The following KCNJ16 variants were observed in gnomAD, a reference collection of about 807,000 sequenced individuals.
The protein encoded by KCNJ16 is inward rectifier potassium channel 16.
A neutral mutation model predicts 18.5 loss-of-function variants in KCNJ16; 15 were observed. The observed-to-expected ratio is 0.81, with a 90% confidence interval of 0.54 to 1.25. KCNJ16 has a LOEUF of 1.25. KCNJ16 is among the 50% of genes most tolerant of loss of function. The pLI, the probability that KCNJ16 is intolerant of heterozygous loss-of-function variation, is 0.00. For synonymous variants in KCNJ16, 174 were observed against 186.5 expected (o/e 0.93, Z 0.55); for missense variants, 523 against 525.7 (o/e 0.99, Z 0.05).
intron 2 of KCNJ16, among the ~76,000 whole-genome samples, chr17:70,106,136 T>C (rs1010784438): frequency 1.3e-5 from 2 of 152,242 alleles, no homozygotes; most frequent in Non-Finnish European, 2.9e-5. Context: ...AAGAAGTCAA[T>C]GCAAGGAGTA....
chr17:70,122,694 C>A (rs538565736), intron 2 of KCNJ16, among the ~76,000 whole-genome samples: 2 of 152,236 alleles, frequency 1.3e-5, no homozygotes, highest in East Asian at 3.9e-4. Flanking sequence ...TCAGAGACTG[C>A]CTCGTAGGGA....
intron 2 of KCNJ16, among the ~76,000 whole-genome samples, chr17:70,114,792 ACT>A (rs1213243241): frequency 6.6e-6 from 1 of 151,950 alleles, no homozygotes; most frequent in East Asian, 1.9e-4. Flanking sequence ...ATGCCAGTTA[ACT>A]CTCTCCCCAT....
Position 70,134,238 on chromosome 17 carries a change from G to A in KCNJ16, c.*894G>A, listed in dbSNP as rs2074157676. The A allele has an allele frequency of 6.1e-6, 1 of 163,458 alleles. No individual in the cohort carries two copies. Among genetic ancestry groups the A allele is most frequent in the African/African-American group, 2.5e-5 (1 of 40,428 alleles). 10.1% of individuals were successfully genotyped at this position (163,458 alleles called of 1,614,324 possible). A position where few individuals can be genotyped will look rare whatever the true frequency, so the allele number is the denominator to read the frequency against. On this transcript the variant is annotated 3_prime_UTR_variant, in exon 4 of 4. Transcript: ENST00000392671. ...ATTCTCAGACCCTTGGAGAGAAACC[G>A]TTGCTAGCTTGCTGGTCCCGAAAGA...
rs369929412 is a variant in KCNJ16, at chr17:70,132,851, A to G, written c.764A>G (p.His255Arg). ...CTGGTCACCCCGGTAACTATTGTCCATGAAATTGACCATGAGAGCCCTCTG... is the reference window on the plus strand; with the variant it reads ...CTGGTCACCCCGGTAACTATTGTCCGTGAAATTGACCATGAGAGCCCTCTG... ...IILVTPVTIV[H>R]EIDHESPLYA... is the part of the protein sequence containing the mutation. The change falls in exon 4 of 4, where the codon CAT (histidine) becomes CGT (arginine). Residue 255 changes from histidine to arginine, a missense_variant. Transcript: ENST00000392671. The G allele has an allele frequency of 9.9e-6, 16 of 1,613,990 alleles. No homozygotes were observed. Among genetic ancestry groups the G allele is most frequent in the African/African-American group, 4.0e-5 (3 of 74,928 alleles).
At chr17:70,119,741 A>G (rs1371395583) in intron 2 of KCNJ16, among the ~76,000 whole-genome samples, 1 of 152,176 alleles carries the variant, frequency 6.6e-6, no homozygotes, top group African/African-American at 2.4e-5. Flanking sequence ...ATTTTCTCCT[A>G]GACCTTTGGG....
chr17:70,117,627 T>C (rs1193592729), intron 2 of KCNJ16, among the ~76,000 whole-genome samples: 1 of 152,226 alleles, frequency 6.6e-6, no homozygotes, highest in Non-Finnish European at 1.5e-5. Flanking sequence ...CTGATGTTTT[T>C]ATAGTCTTAG....
In KCNJ16 at chr17:70,132,067, T is replaced by A; in HGVS notation, c.-21T>A. 1 of 1,613,946 alleles carries A rather than the reference T, an allele frequency of 6.2e-7. No homozygotes were observed. Among genetic ancestry groups the A allele is most frequent in the South Asian group, 1.1e-5 (1 of 91,068 alleles). On this transcript the variant is annotated 5_prime_UTR_variant, in exon 4 of 4. Coordinates refer to ENST00000392671, the MANE Select transcript of KCNJ16 (RefSeq NM_170741.4). The stretch of plus-strand genomic sequence containing the variant: ...CTTACTACTACAAAACTCACCTGGA[T>A]CCCTAAGGGCACAGCAAAGAATGAG...
Position 70,133,373 on chromosome 17 carries a change from C to A in KCNJ16, c.*29C>A. 1 of 1,564,620 alleles carries A rather than the reference C, an allele frequency of 6.4e-7. No individual in the cohort carries two copies. Among genetic ancestry groups the A allele is most frequent in the Non-Finnish European group, 8.7e-7 (1 of 1,150,012 alleles). On this transcript the variant is annotated 3_prime_UTR_variant, in exon 4 of 4. Transcript: ENST00000392671. ...TAAATTGCAATTATGAGGGCTACCACTGAATCATTTTATCTTTCAGCCAAT... is the reference window on the plus strand; with the variant it reads ...TAAATTGCAATTATGAGGGCTACCAATGAATCATTTTATCTTTCAGCCAAT...
intron 2 of KCNJ16, among the ~76,000 whole-genome samples, chr17:70,114,996 T>C (rs1271155719): frequency 1.3e-5 from 2 of 152,128 alleles, no homozygotes; most frequent in Non-Finnish European, 2.9e-5. Flanking sequence ...CTGATGTGCA[T>C]TTTCAGATGG....
rs1260590676 is a variant in KCNJ16 at position 70,134,914 on chromosome 17, CCTTT to C, written c.*1573_*1576del. ...TATATAGGTATAGGTAGATAGAGTGCCTTTCTGTTTCTTTTCTTTTCTTTTTTCT... is the reference window on the plus strand; with the variant it reads ...TATATAGGTATAGGTAGATAGAGTGCCTGTTTCTTTTCTTTTCTTTTTTCT... On this transcript the variant is annotated 3_prime_UTR_variant, in exon 4 of 4. Transcript: ENST00000392671. The C allele has an allele frequency of 1.2e-5, 2 of 166,370 alleles. No homozygotes were observed. Among genetic ancestry groups the C allele is most frequent in the African/African-American group, 2.4e-5 (1 of 41,326 alleles). 10.3% of individuals were successfully genotyped at this position (166,370 alleles called of 1,614,324 possible).
chr17:70,092,342 G>T (rs1221560134), intron 1 of KCNJ16, among the ~76,000 whole-genome samples: 1 of 152,064 alleles, frequency 6.6e-6, no homozygotes, highest in Non-Finnish European at 1.5e-5. Flanking sequence ...TCCTGACCAT[G>T]GGATGTTTTA....
chr17:70,129,178 A>C (rs918999994), intron 2 of KCNJ16, among the ~76,000 whole-genome samples: 2 of 152,232 alleles, frequency 1.3e-5, no homozygotes, highest in East Asian at 3.8e-4. Context: ...AGCAACATGT[A>C]AAAAATTACA....
In KCNJ16 at chr17:70,098,148, T is replaced by A. The variant is rs544109006; in HGVS notation, c.-299-2510T>A. On this transcript the variant is annotated intron_variant, in intron 1 of 3. Transcript: ENST00000392671. The stretch of plus-strand genomic sequence containing the variant: ...CAGCCAAGTAATAATTTAAAAAAAA[T>A]TTTCCTAGTAACTCTCATTCAGTGT... Among the ~76,000 whole-genome samples the A allele has an allele frequency of 2.6e-4, 39 of 152,248 alleles. No individual in the cohort carries two copies. In the East Asian group the frequency reaches 2.9e-3, roughly 11 times the overall value.
At chr17:70,098,517 T>G (rs2072482156) in intron 1 of KCNJ16, among the ~76,000 whole-genome samples, 1 of 151,860 alleles carries the variant, frequency 6.6e-6, no homozygotes, top group Non-Finnish European at 1.5e-5. Flanking sequence ...GTTGAAATCT[T>G]CTTTCTTTTC....
At chr17:70,127,796 A>C (rs2073906076) in intron 2 of KCNJ16, among the ~76,000 whole-genome samples, 1 of 152,160 alleles carries the variant, frequency 6.6e-6, no homozygotes. Flanking sequence ...AATAATGATG[A>C]CTTCATGTGT....
At chr17:70,119,242 T>C (rs533330089) in intron 2 of KCNJ16, among the ~76,000 whole-genome samples, 1 of 152,356 alleles carries the variant, frequency 6.6e-6, no homozygotes, top group Non-Finnish European at 1.5e-5. Context: ...CTGAGACTGC[T>C]GTCACAGGTT....
At chr17:70,100,103 A>G (rs949807975) in intron 1 of KCNJ16, among the ~76,000 whole-genome samples, 2 of 152,224 alleles carry the variant, frequency 1.3e-5, no homozygotes, top group South Asian at 4.1e-4. Context: ...GGAAGCCCTC[A>G]GGCCGGCAAA....
chr17:70,123,304 AGAAGATAGAATCT>A (rs1361089416), intron 2 of KCNJ16, among the ~76,000 whole-genome samples: 5 of 152,220 alleles, frequency 3.3e-5, no homozygotes, highest in Non-Finnish European at 7.3e-5. Context: ...ATCAAATATA[AGAAGATAGAATCT>A]GATTTGAGCA....
At chr17:70,126,839 C>T (rs1325917638) in intron 2 of KCNJ16, among the ~76,000 whole-genome samples, 4 of 152,108 alleles carry the variant, frequency 2.6e-5, no homozygotes, top group Non-Finnish European at 4.4e-5. Context: ...CATGGAGAAA[C>T]GTAATCCCAG....
Sources: allele counts gnomAD v4.1 joint callset (sites outside exome capture counted in the v4.1 genomes callset), GRCh38; gene constraint gnomAD v4.1.1; transcripts MANE v1.5; gene names NCBI Gene and HGNC (gene_info 2026-07-23, HGNC 2026-07-21).